The following MORN3 variants were observed in gnomAD, a reference collection of about 807,000 sequenced individuals.
The protein encoded by MORN3 is MORN repeat-containing protein 3.
In MORN3, 38 loss-of-function variants were observed where a neutral mutation model predicts 34.7. That is an observed-to-expected ratio of 1.10 (90% CI 0.85 to 1.44). MORN3 has a LOEUF of 1.44. Among genes scored for constraint, MORN3 ranks in the 40% most tolerant of loss-of-function variants. The pLI is 0.00. For missense variants in MORN3, 311 were observed against 321.7 expected, an observed-to-expected ratio of 0.97 and a Z score of 0.25; for synonymous variants, 109 against 115.3, an observed-to-expected ratio of 0.95 and a Z score of 0.35.
chr12:121,661,897 GAGGGAGGAAGGGAGGA>G, intron 1 of MORN3, among the ~76,000 whole-genome samples: 2 of 151,300 alleles, frequency 1.3e-5, no homozygotes, highest in East Asian at 2.0e-4. Flanking sequence ...AGGAGAGAGG[GAGGGAGGAAGGGAGGA>G]AGGGAGGAAG....
upstream of MORN3, among the ~76,000 whole-genome samples, chr12:121,670,717 G>A (rs540762439): frequency 1.3e-5 from 2 of 152,174 alleles, no homozygotes; most frequent in South Asian, 2.1e-4. Flanking sequence ...GCTGAGGCAT[G>A]AGAACAGCTT....
At chr12:121,665,538 C>T (rs1893725883) in intron 1 of MORN3, among the ~76,000 whole-genome samples, 1 of 151,036 alleles carries the variant, frequency 6.6e-6, no homozygotes, top group South Asian at 2.1e-4. Context: ...CAGGCTGAGG[C>T]GGGCGGATCA....
At chr12:121,665,229 T>C (rs1594233890) in intron 1 of MORN3, among the ~76,000 whole-genome samples, 1 of 149,934 alleles carries the variant, frequency 6.7e-6, no homozygotes, top group Non-Finnish European at 1.5e-5. Context: ...GTACCTCGTA[T>C]AGGAGTCCTG....
chr12:121,652,041 A>G (rs559355931), intron 5 of MORN3, among the ~76,000 whole-genome samples: 2 of 152,012 alleles, frequency 1.3e-5, no homozygotes, highest in African/African-American at 2.4e-5. Context: ...GGTTCAAGCA[A>G]TTCTCTGCCT....
At chr12:121,659,683 C>T (rs920742862) in intron 1 of MORN3, among the ~76,000 whole-genome samples, 13 of 151,674 alleles carry the variant, frequency 8.6e-5, no homozygotes, top group Non-Finnish European at 1.5e-4. Flanking sequence ...TACAGGTGTG[C>T]GCCAACACAC....
rs1893190426 is a variant in MORN3, at chr12:121,648,848, AT to A, written c.*2802del. On this transcript the variant is annotated 3_prime_UTR_variant, in exon 6 of 6. Coordinates refer to ENST00000355329, the MANE Select transcript of MORN3 (RefSeq NM_173855.5). ...TTCAGCTCCTGTTCCCAAGTCCCCA[AT>A]TCTCCCCAGAGACAACCATCTTTGC... 6.6e-6 allele frequency: 1 copy of A among 152,018 alleles called. No individual in the cohort carries two copies. Among genetic ancestry groups the A allele is most frequent in the Non-Finnish European group, 1.5e-5 (1 of 68,012 alleles). The allele number at this position is 152,018 out of a possible 1,614,324, so 9.4% of individuals were successfully genotyped here.
At chr12:121,669,834 T>TAATATATATATATATATA (rs1566488482), upstream of MORN3, among the ~76,000 whole-genome samples, 6 of 92,280 alleles carry the variant, frequency 6.5e-5, no homozygotes, top group African/African-American at 2.3e-4. Context: ...ATATATATAT[T>TAATATATATATATATATA]TTTTTTTTTA....
At position 121,660,825 on chromosome 12, in the gene MORN3, C is replaced by T. The variant is rs149923654; in HGVS notation, c.146-1477G>A. Among the ~76,000 whole-genome samples, 411 of 152,090 alleles carry T rather than the reference C, an allele frequency of 2.7e-3. 3 individuals carry two copies. The highest frequency in any genetic ancestry group is 9.4e-3 in the African/African-American group (388 of 41,490). On this transcript the variant is annotated intron_variant, in intron 1 of 5. Transcript: ENST00000355329. ...CTGGGATTACAGGAATGCACCAGCA[C>T]GCCTGGCTAATTTTGTATTTTCAGT... is the stretch of plus-strand genomic sequence containing the variant.
At chr12:121,659,511 G>A (rs1357699203) in intron 1 of MORN3, among the ~76,000 whole-genome samples, 163 bp from the exon 2 acceptor site, 1 of 151,264 alleles carries the variant, frequency 6.6e-6, no homozygotes, top group African/African-American at 2.4e-5. Flanking sequence ...GGCCAGGAAA[G>A]TTCCATTTCT....
intron 1 of MORN3, among the ~76,000 whole-genome samples, chr12:121,666,662 C>T (rs79644989): frequency 0.025 from 3,823 of 152,144 alleles, 185 homozygotes; most frequent in African/African-American, 0.088. Context: ...CCTAAGCCTT[C>T]CCTGAGGATG....
At chr12:121,667,744 G>A (rs531754515) in intron 1 of MORN3, among the ~76,000 whole-genome samples, 10 of 147,936 alleles carry the variant, frequency 6.8e-5, no homozygotes, top group African/African-American at 2.5e-4. Flanking sequence ...TTTTTTTGGA[G>A]ACGGAGTCTT....
rs908562136 is a variant in MORN3 at position 121,669,562 on chromosome 12, C to T, written c.-79G>A. On this transcript the variant is annotated 5_prime_UTR_variant, in exon 1 of 6. Coordinates refer to ENST00000355329, the MANE Select transcript of MORN3 (RefSeq NM_173855.5). ...GGGCTCAGCGCGCCCCGTGTAATGCCGGGATCCTGAGCTCAAGTGGGGAGA... is the reference window on the plus strand; with the variant it reads ...GGGCTCAGCGCGCCCCGTGTAATGCTGGGATCCTGAGCTCAAGTGGGGAGA... The T allele has an allele frequency of 5.0e-5, 79 of 1,578,610 alleles. No homozygotes were observed. Among genetic ancestry groups the T allele is most frequent in the East Asian group, 2.3e-5 (1 of 43,084 alleles).
Position 121,649,863 on chromosome 12 carries a change from T to TG in MORN3, c.*1787_*1788insC, listed in dbSNP as rs1893210624. On this transcript the variant is annotated 3_prime_UTR_variant, in exon 6 of 6. Transcript: ENST00000355329. ...AGTTGGGATTACAGGTGCTGAATTC[T>TG]TTTTTTTTTTTTTTTTTGTAGCATG... The TG allele has an allele frequency of 3.8e-5, 3 of 78,270 alleles. No individual in the cohort carries two copies. Among genetic ancestry groups the TG allele is most frequent in the Admixed American group, 2.9e-4 (2 of 6,986 alleles). 4.8% of individuals were successfully genotyped at this position (78,270 alleles called of 1,614,324 possible).
chr12:121,669,269 G>A (rs1243244765), intron 1 of MORN3, 70 bp downstream of exon 1: 17 of 1,588,014 alleles, frequency 1.1e-5, no homozygotes, highest in Non-Finnish European at 1.4e-5. Context: ...TCTGCACTCT[G>A]CCTTCCTGGC....
At chr12:121,670,071 C>T (rs753425992), upstream of MORN3, among the ~76,000 whole-genome samples, 3 of 151,746 alleles carry the variant, frequency 2.0e-5, no homozygotes, top group Non-Finnish European at 4.4e-5. Flanking sequence ...ACGGGGGTTT[C>T]ACCATGCTGG....
chr12:121,655,412 C>T (rs527701429), intron 2 of MORN3, among the ~76,000 whole-genome samples: 29 of 151,774 alleles, frequency 1.9e-4, no homozygotes, highest in African/African-American at 4.8e-4. Context: ...GAAAAATGAA[C>T]ATAAACACCA....
chr12:121,652,869 G>C, intron 4 of MORN3, 61 bp from the exon 5 acceptor site: 2 of 1,574,122 alleles, frequency 1.3e-6, no homozygotes, highest in Non-Finnish European at 1.7e-6. Flanking sequence ...TGCCAGCCTT[G>C]ACTGGCGCTG....
At chr12:121,668,955 C>G (rs1189272123) in intron 1 of MORN3, among the ~76,000 whole-genome samples, 1 of 152,174 alleles carries the variant, frequency 6.6e-6, no homozygotes. Flanking sequence ...AGCATCACAG[C>G]TGAATGCGAA....
At chr12:121,651,877 TAGA>T (rs1389854513) in intron 5 of MORN3, among the ~76,000 whole-genome samples, 3 of 152,074 alleles carry the variant, frequency 2.0e-5, no homozygotes, top group South Asian at 4.2e-4. Context: ...AGGGTGCAAA[TAGA>T]AGGTTTCAGG....
Sources: gnomAD v4.1 joint callset for allele counts (sites outside exome capture counted in the v4.1 genomes callset) on GRCh38, gnomAD v4.1.1 for gene constraint, MANE v1.5 for transcripts, NCBI Gene and HGNC (gene_info 2026-07-23, HGNC 2026-07-21) for gene names.